Variants in EPX observed in about 807,000 individuals in gnomAD.
The protein encoded by EPX is eosinophil peroxidase.
A neutral mutation model predicts 73.0 loss-of-function variants in EPX; 60 were observed. The observed-to-expected ratio is 0.82, with a 90% CI of 0.67 to 1.02. The LOEUF (loss-of-function observed/expected upper bound fraction) is 1.02, where lower values mean the gene tolerates loss of function less well. EPX is among the 50% of genes least tolerant of loss of function. The pLI is 0.00. For missense variants in EPX, 950 were observed against 973.9 expected (o/e 0.98, Z 0.33); for synonymous variants, 347 against 389.2 (o/e 0.89, Z 1.28).
chr17:58,195,216 C>T, intron 6 of EPX, 46 bp downstream of exon 6: 1 of 1,485,510 alleles, frequency 6.7e-7, no homozygotes, highest in Non-Finnish European at 9.4e-7. Flanking sequence ...TGGCCTCCCC[C>T]AAAGGCAAGG....
At chr17:58,195,651 T>C (rs1968245092) in intron 6 of EPX, among the ~76,000 whole-genome samples, 1 of 151,780 alleles carries the variant, frequency 6.6e-6, no homozygotes, top group South Asian at 2.1e-4. Flanking sequence ...GGGAGCAGAG[T>C]CTCTGCTAGG....
Position 58,203,066 on chromosome 17 carries a change from C to T in EPX, c.1709-15C>T, listed in dbSNP as rs758823921. The T allele has an allele frequency of 1.3e-6, 2 of 1,592,840 alleles. No homozygotes were observed. Among genetic ancestry groups the T allele is most frequent in the South Asian group, 1.1e-5 (1 of 90,608 alleles). On this transcript the variant is annotated splice_polypyrimidine_tract_variant and intron_variant, in intron 10 of 12. Coordinates refer to ENST00000225371, the MANE Select transcript of EPX (RefSeq NM_000502.6). Reference sequence around the variant, plus strand: ...ATCAGCAAGACTGAAGCTGCTTCTCCCCGTTCCCCTGCAGGGTACAATGCT... The same window carrying T: ...ATCAGCAAGACTGAAGCTGCTTCTCTCCGTTCCCCTGCAGGGTACAATGCT...
intron 11 of EPX, among the ~76,000 whole-genome samples, chr17:58,203,836 G>A (rs1968380832): frequency 6.8e-6 from 1 of 146,782 alleles, no homozygotes; most frequent in Non-Finnish European, 1.5e-5. Flanking sequence ...GGAGGCTGAG[G>A]CAGGAGAATG....
At chr17:58,194,880 G>C in intron 5 of EPX, 84 bp from the exon 6 acceptor site, 2 of 1,000,458 alleles carry the variant, frequency 2.0e-6, no homozygotes, top group South Asian at 2.7e-5. Context: ...CAGGGGAGCT[G>C]CTGCTCCCTG....
At position 58,200,511 on chromosome 17, in the gene EPX, G is replaced by A. The variant is rs1968326168; in HGVS notation, c.1708+116G>A. On this transcript the variant is annotated intron_variant, in intron 10 of 12. Transcript: ENST00000225371. Reference sequence around the variant, plus strand: ...GGGACTGTCTACAGGATGTGCAGGAGTGCAGAGGCATGCAAGGCCAAGGTC... The same window carrying A: ...GGGACTGTCTACAGGATGTGCAGGAATGCAGAGGCATGCAAGGCCAAGGTC... The A allele has an allele frequency of 5.3e-6, 6 of 1,126,672 alleles. No individual in the cohort carries two copies. The South Asian group carries it at 6.5e-5, about 12-fold the overall frequency. 69.8% of individuals were successfully genotyped at this position (1,126,672 alleles called of 1,614,324 possible). A position where few individuals can be genotyped will look rare whatever the true frequency, so the allele number is the denominator to read the frequency against.
At chr17:58,203,640 T>C (rs1968374931) in intron 11 of EPX, among the ~76,000 whole-genome samples, 1 of 152,152 alleles carries the variant, frequency 6.6e-6, no homozygotes, top group African/African-American at 2.4e-5. Context: ...ATTTGTGATT[T>C]AAGACCTGAC....
At chr17:58,194,141 G>A (rs1385067346) in intron 5 of EPX, 49 bp downstream of exon 5, 8 of 1,598,036 alleles carry the variant, frequency 5.0e-6, no homozygotes, top group Non-Finnish European at 6.8e-6. Context: ...CTTAAATGCG[G>A]GGAGTAAAAC....
chr17:58,195,174 C>T lies in EPX; in HGVS notation c.801+4C>T, dbSNP rs373476557. 1.2e-6 allele frequency: 2 copies of T among 1,611,916 alleles called. No individual in the cohort carries two copies. Among genetic ancestry groups the T allele is most frequent in the Non-Finnish European group, 1.7e-6 (2 of 1,178,370 alleles). On this transcript the variant is annotated splice_donor_region_variant and intron_variant, in intron 6 of 12. Coordinates refer to ENST00000225371, the MANE Select transcript of EPX (RefSeq NM_000502.6). ...GCCCCCCTGCTTTCCCATCAAGGTA[C>T]CTACCCTCAGCCAATCTCCCATGCC...
At position 58,204,257 on chromosome 17, in the gene EPX, G is replaced by T. The variant is rs1336571768; in HGVS notation, c.1982G>T (p.Arg661Ile). Residue 661 changes from arginine (R) to isoleucine (I), a missense_variant, in exon 12 of 13, where the codon AGA becomes ATA. Coordinates refer to ENST00000225371, the MANE Select transcript of EPX (RefSeq NM_000502.6). ...CAGAAACGAGGTGTTTTCACCAAAAGACAGCGCAAGGCCCTGAGCAGAATT... is the reference window on the plus strand; with the variant it reads ...CAGAAACGAGGTGTTTTCACCAAAATACAGCGCAAGGCCCTGAGCAGAATT... ...WWQKRGVFTK[R>I]QRKALSRISL... 1.9e-6 allele frequency: 3 copies of T among 1,614,174 alleles called. No individual in the cohort carries two copies. The highest frequency in any genetic ancestry group is 2.2e-5 in the East Asian group (1 of 44,888).
Position 58,193,441 on chromosome 17 carries a change from G to T in EPX, c.241G>T (p.Ala81Ser). The change falls in exon 3 of 13, where the codon GCA becomes TCA. Residue 81 changes from alanine (A) to serine (S), a missense_variant. Physicochemically the swap from Ala to Ser is moderately conservative, Grantham distance 99. Coordinates refer to ENST00000225371, the MANE Select transcript of EPX (RefSeq NM_000502.6). ...CCTGTCCTACTTCAAACAACCGGTA[G>T]CAGCCACCAGGACAGTTGTTCGGGC... is the stretch of plus-strand genomic sequence containing the variant. ...DLLSYFKQPVAATRTVVRAAD... is the reference protein window; with the variant it reads ...DLLSYFKQPVSATRTVVRAAD... The T allele has an allele frequency of 6.2e-7, 1 of 1,614,154 alleles. No homozygotes were observed. The highest frequency in any genetic ancestry group is 8.5e-7 in the Non-Finnish European group (1 of 1,180,006).
At chr17:58,193,633 G>C in intron 3 of EPX, 81 bp from the exon 4 acceptor site, 1 of 1,562,042 alleles carries the variant, frequency 6.4e-7, no homozygotes, top group Admixed American at 1.7e-5. Flanking sequence ...GCACAGGTTT[G>C]GGGTGCTGGG....
rs374074563 is a variant in EPX at position 58,194,950 on chromosome 17, T to C, written c.595-14T>C. The C allele has an allele frequency of 1.5e-5, 24 of 1,610,012 alleles. No individual in the cohort carries two copies. Among genetic ancestry groups the C allele is most frequent in the Non-Finnish European group, 2.0e-5 (24 of 1,176,618 alleles). ...GGGAGCCCATGTCCCGTGCTGATGTTATTTCCCCACCAGGTCCGGGCTGTC... is the reference window on the plus strand; with the variant it reads ...GGGAGCCCATGTCCCGTGCTGATGTCATTTCCCCACCAGGTCCGGGCTGTC... On this transcript the variant is annotated splice_polypyrimidine_tract_variant and intron_variant, in intron 5 of 12. Coordinates refer to ENST00000225371, the MANE Select transcript of EPX (RefSeq NM_000502.6).
At chr17:58,194,916 G>A in intron 5 of EPX, 48 bp from the exon 6 acceptor site, 1 of 1,461,356 alleles carries the variant, frequency 6.8e-7, no homozygotes, top group Non-Finnish European at 9.5e-7. Context: ...CTAATACCTT[G>A]TGGGGTCAGG....
In EPX at chr17:58,193,070, C is replaced by A. The variant is rs147790482; in HGVS notation, c.109C>A (p.Arg37=). The change falls in exon 2 of 13, where the codon CGA becomes AGA. Residue 37 remains arginine, a synonymous_variant. Transcript: ENST00000225371. ...SPGAVETSVL[R]DCIAEAKLLV... ...TGGGGCAGTGGAGACCTCGGTCCTG[C>A]GAGACTGCATAGCAGAGGCCAAGTT... 6.5e-4 allele frequency: 1,043 copies of A among 1,612,748 alleles called. No homozygotes were observed. The highest frequency in any genetic ancestry group is 1.1e-3 in the South Asian group (102 of 91,008).
intron 3 of EPX, 74 bp downstream of exon 3, chr17:58,193,620 G>A: frequency 6.4e-7 from 1 of 1,574,586 alleles, no homozygotes; most frequent in Admixed American, 1.7e-5. Flanking sequence ...AGGGAGGCAG[G>A]GTGCACAGGT....
intron 8 of EPX, 98 bp from the exon 9 acceptor site, chr17:58,199,441 C>T (rs1281919526): frequency 7.3e-6 from 10 of 1,361,120 alleles, no homozygotes; most frequent in African/African-American, 2.9e-5. Flanking sequence ...TCACATTTGA[C>T]GTGATGACAA....
intron 10 of EPX, among the ~76,000 whole-genome samples, chr17:58,201,930 T>C (rs35552012): frequency 0.012 from 1,884 of 152,282 alleles, 36 homozygotes; most frequent in African/African-American, 0.043. Flanking sequence ...ACCTGTGCCC[T>C]CCAGAAATAT....
chr17:58,194,283 G>A (rs1027486901), intron 5 of EPX, among the ~76,000 whole-genome samples, 191 bp downstream of exon 5: 3 of 152,192 alleles, frequency 2.0e-5, no homozygotes, highest in East Asian at 1.9e-4. Flanking sequence ...AACCTACCTC[G>A]TAGAGCCTGT....
chr17:58,195,167 C>G lies in EPX; in HGVS notation c.798C>G (p.Ile266Met), dbSNP rs1413489127. ...CCCAGCTGCCCCCCTGCTTTCCCAT[C>G]AAGGTACCTACCCTCAGCCAATCTC... ...TCAQLPPCFP[I>M]KIPPNDPRIK... Residue 266 changes from isoleucine to methionine, a missense_variant, in exon 6 of 13, where the codon ATC becomes ATG. By Grantham distance (10) the Ile-to-Met change is conservative. Coordinates refer to ENST00000225371, the MANE Select transcript of EPX (RefSeq NM_000502.6). The G allele has an allele frequency of 2.5e-6, 4 of 1,612,896 alleles. No homozygotes were observed. Among genetic ancestry groups the G allele is most frequent in the Admixed American group, 3.3e-5 (2 of 60,020 alleles).
Sources: allele counts gnomAD v4.1 joint callset (sites outside exome capture counted in the v4.1 genomes callset), GRCh38; gene constraint gnomAD v4.1.1; transcripts MANE v1.5; gene names NCBI Gene and HGNC (gene_info 2026-07-23, HGNC 2026-07-21).